COP1: variants seen among roughly 807,000 people sequenced by gnomAD.
COP1 encodes COP1 E3 ubiquitin ligase, also known as E3 ubiquitin-protein ligase COP1.
In COP1, 24 loss-of-function variants were observed where a neutral mutation model predicts 101.3. The ratio of observed to expected loss-of-function variants is 0.24; its 90% CI spans 0.17 to 0.33. The LOEUF is 0.33. COP1 is among the 10% of genes least tolerant of loss of function. The pLI is 1.00. For missense variants in COP1, 663 were observed against 906.2 expected (o/e 0.73, Z 3.45); for synonymous variants, 347 against 341.9 (o/e 1.01, Z -0.17).
At chr1:176,043,571 T>G in intron 13 of COP1, 139 bp downstream of exon 13, 2 of 639,864 alleles carry the variant, frequency 3.1e-6, no homozygotes, top group Non-Finnish European at 5.6e-6. Flanking sequence ...AAGCATTTGG[T>G]ATTGCATAGG....
At chr1:175,988,689 C>T (rs964743854) in intron 16 of COP1, 12 of 246,516 alleles carry the variant, frequency 4.9e-5, no homozygotes, top group Non-Finnish European at 9.5e-5. Flanking sequence ...AAAAATTAGT[C>T]GGGCGTGGTA....
chr1:176,003,941 C>A (rs1662432036), intron 15 of COP1, among the ~76,000 whole-genome samples: 1 of 151,940 alleles, frequency 6.6e-6, no homozygotes, highest in Non-Finnish European at 1.5e-5. Flanking sequence ...TTACCCTGGG[C>A]AGTATGGCCA....
At chr1:176,099,897 G>C (rs1189226233) in intron 9 of COP1, among the ~76,000 whole-genome samples, 1 of 152,114 alleles carries the variant, frequency 6.6e-6, no homozygotes, top group Non-Finnish European at 1.5e-5. Flanking sequence ...AGGCATTTGA[G>C]GATACAAACT....
rs190038289 is a variant in COP1, at chr1:176,176,483, T to C, written c.468-476A>G. Reference sequence around the variant, plus strand: ...ATCTTCACGAGTCACAAAAAGCTGATTTAAAATTATATACTAGATTTTACC... The same window carrying C: ...ATCTTCACGAGTCACAAAAAGCTGACTTAAAATTATATACTAGATTTTACC... On this transcript the variant is annotated intron_variant, in intron 2 of 19. Coordinates refer to ENST00000367669, the MANE Select transcript of COP1 (RefSeq NM_022457.7). Among the ~76,000 whole-genome samples, 469 of 152,230 alleles carry C rather than the reference T, an allele frequency of 3.1e-3. 1 individual carries two copies. Among genetic ancestry groups the C allele is most frequent in the Non-Finnish European group, 4.9e-3 (336 of 68,020 alleles).
At chr1:176,067,249 G>C (rs1259386269) in intron 11 of COP1, among the ~76,000 whole-genome samples, 1 of 152,112 alleles carries the variant, frequency 6.6e-6, no homozygotes, top group Non-Finnish European at 1.5e-5. Flanking sequence ...GTGCTGGGAG[G>C]AGAAGGTCTG....
intron 15 of COP1, among the ~76,000 whole-genome samples, chr1:175,995,212 A>G (rs996636663): frequency 5.3e-5 from 8 of 152,220 alleles, no homozygotes; most frequent in African/African-American, 1.9e-4. Context: ...ACAAAGACAC[A>G]ACATACCAGA....
At chr1:176,184,769 C>T in intron 1 of COP1, 77 bp from the exon 2 acceptor site, 1 of 953,220 alleles carries the variant, frequency 1.0e-6, no homozygotes, top group Non-Finnish European at 1.7e-6. Context: ...AGTAACAATA[C>T]CAATGAAATC....
chr1:175,979,695 T>C (rs1655351038), intron 18 of COP1, among the ~76,000 whole-genome samples: 2 of 152,092 alleles, frequency 1.3e-5, no homozygotes, highest in Admixed American at 6.6e-5. Flanking sequence ...GGCAAAATGG[T>C]ATTTTTGAAG....
intron 4 of COP1, among the ~76,000 whole-genome samples, chr1:176,163,450 G>C (rs761463344): frequency 5.3e-5 from 8 of 152,044 alleles, no homozygotes; most frequent in Admixed American, 5.2e-4. Flanking sequence ...CAAATTCTTG[G>C]GCTTGAGTGA....
chr1:176,084,221 C>T (rs1472649728), intron 10 of COP1, among the ~76,000 whole-genome samples: 1 of 152,136 alleles, frequency 6.6e-6, no homozygotes, highest in Admixed American at 6.6e-5. Flanking sequence ...TTCAACTTAA[C>T]AACTCCCAAA....
chr1:176,135,839 G>A (rs1256888288), intron 7 of COP1, among the ~76,000 whole-genome samples: 1 of 152,040 alleles, frequency 6.6e-6, no homozygotes, highest in Non-Finnish European at 1.5e-5. Context: ...TGACATAAAT[G>A]TGTAACAACT....
intron 18 of COP1, among the ~76,000 whole-genome samples, chr1:175,957,511 T>C (rs1166469133): frequency 6.6e-6 from 1 of 152,202 alleles, no homozygotes; most frequent in Non-Finnish European, 1.5e-5. Flanking sequence ...AAGTACACTC[T>C]ATGATGTTTG....
intron 15 of COP1, among the ~76,000 whole-genome samples, chr1:175,998,161 G>C (rs1007668636): frequency 7.4e-5 from 11 of 148,980 alleles, no homozygotes; most frequent in African/African-American, 2.7e-4. Flanking sequence ...GTCCTTTGTA[G>C]GGACATGGAT....
At chr1:176,052,777 G>GT (rs1282767911) in intron 11 of COP1, among the ~76,000 whole-genome samples, 1 of 151,990 alleles carries the variant, frequency 6.6e-6, no homozygotes, top group Non-Finnish European at 1.5e-5. Context: ...ACGCATACAC[G>GT]TATTTGGTTT....
chr1:175,968,415 G>T (rs764560958), intron 18 of COP1: 1 of 517,288 alleles, frequency 1.9e-6, no homozygotes. Context: ...GGAGGGGAAC[G>T]ATCAGACTTA....
intron 8 of COP1, among the ~76,000 whole-genome samples, chr1:176,120,586 T>C (rs745397807): frequency 2.2e-4 from 33 of 152,160 alleles, no homozygotes; most frequent in Non-Finnish European, 4.3e-4. Flanking sequence ...GAAGCTTTGC[T>C]AAAAAAAGTA....
chr1:176,003,623 CTTGT>C (rs1359487076), intron 15 of COP1, among the ~76,000 whole-genome samples: 29 of 152,152 alleles, frequency 1.9e-4, no homozygotes, highest in Non-Finnish European at 2.9e-4. Flanking sequence ...TTCCCCATTG[CTTGT>C]TTTTCTCAGG....
chr1:176,169,541 G>A lies in COP1; in HGVS notation c.566-5650C>T, dbSNP rs186959691. On this transcript the variant is annotated intron_variant, in intron 3 of 19. Transcript: ENST00000367669. ...TTTTGGTTTCCCAATATACATAAAA[G>A]TTCTGTTTACGCTATACCGTAGTTT... Among the ~76,000 whole-genome samples the A allele has an allele frequency of 9.1e-4, 137 of 149,746 alleles. 3 individuals carry two copies. Among genetic ancestry groups the A allele is most frequent in the African/African-American group, 3.1e-3 (129 of 40,990 alleles).
chr1:176,121,821 T>C (rs1169844167), intron 8 of COP1, among the ~76,000 whole-genome samples: 1 of 152,086 alleles, frequency 6.6e-6, no homozygotes, highest in Non-Finnish European at 1.5e-5. Context: ...AATGGCTTTT[T>C]AGCAATATGT....
Sources: allele counts gnomAD v4.1 joint callset (sites outside exome capture counted in the v4.1 genomes callset), GRCh38; gene constraint gnomAD v4.1.1; transcripts MANE v1.5; gene names NCBI Gene and HGNC (gene_info 2026-07-23, HGNC 2026-07-21).